MALRD1: variants seen among roughly 807,000 people sequenced by gnomAD.
The protein encoded by MALRD1 is MAM and LDL receptor class A domain containing 1.
In MALRD1, 247 loss-of-function variants were observed where a neutral mutation model predicts 242.1. The ratio of observed to expected loss-of-function variants is 1.02; its 90% CI spans 0.92 to 1.13. The LOEUF (loss-of-function observed/expected upper bound fraction) is 1.13, where lower values mean the gene tolerates loss of function less well. MALRD1 is among the 50% of genes most tolerant of loss of function. The pLI is 0.00. For missense variants in MALRD1, 2,989 were observed against 2,533.1 expected (o/e 1.18, Z -3.86); for synonymous variants, 995 against 866.6 (o/e 1.15, Z -2.60).
chr10:19,235,691 C>T (rs920290906), intron 18 of MALRD1, among the ~76,000 whole-genome samples: 1 of 150,408 alleles, frequency 6.6e-6, no homozygotes, highest in Non-Finnish European at 1.5e-5. Context: ...GGAAAGGATT[C>T]ATGAAATATC....
intron 4 of MALRD1, among the ~76,000 whole-genome samples, chr10:19,101,599 T>C (rs1489965294): frequency 2.2e-5 from 3 of 134,674 alleles, no homozygotes; most frequent in African/African-American, 8.1e-5. Flanking sequence ...ATATAATACA[T>C]AATTTTATGT....
At chr10:19,273,299 C>A (rs1172849917) in intron 19 of MALRD1, among the ~76,000 whole-genome samples, 2 of 151,968 alleles carry the variant, frequency 1.3e-5, no homozygotes, top group Non-Finnish European at 2.9e-5. Flanking sequence ...GTAGAAATAC[C>A]AAGTTATATA....
chr10:19,226,351 A>C (rs1003279461), intron 18 of MALRD1, among the ~76,000 whole-genome samples: 1 of 152,196 alleles, frequency 6.6e-6, no homozygotes, highest in Non-Finnish European at 1.5e-5. Flanking sequence ...ATGTGTTTAC[A>C]AAAAATCTAT....
chr10:19,254,285 A>T (rs1161550807), intron 18 of MALRD1, among the ~76,000 whole-genome samples: 1 of 151,884 alleles, frequency 6.6e-6, no homozygotes, highest in Non-Finnish European at 1.5e-5. Flanking sequence ...TGCCTACATC[A>T]TTGTTCCTTT....
At chr10:19,342,590 C>G (rs555330279) in intron 24 of MALRD1, among the ~76,000 whole-genome samples, 1 of 152,206 alleles carries the variant, frequency 6.6e-6, no homozygotes, top group Admixed American at 6.5e-5. Flanking sequence ...CTAATCCCAA[C>G]GTGGGCTTTC....
chr10:19,677,190 A>G (rs541063242), intron 36 of MALRD1, among the ~76,000 whole-genome samples: 4 of 152,262 alleles, frequency 2.6e-5, no homozygotes, highest in Non-Finnish European at 5.9e-5. Flanking sequence ...CAGTAATGGG[A>G]TTGCTGGGTA....
chr10:19,223,094 T>C (rs1837634490), intron 18 of MALRD1, among the ~76,000 whole-genome samples: 1 of 152,188 alleles, frequency 6.6e-6, no homozygotes, highest in Non-Finnish European at 1.5e-5. Flanking sequence ...TTCTTCTTTC[T>C]TAAAAGTGGC....
intron 26 of MALRD1, 76 bp from the exon 27 acceptor site, chr10:19,387,452 A>G (rs982388262): frequency 2.1e-6 from 3 of 1,454,688 alleles, no homozygotes; most frequent in Non-Finnish European, 2.7e-6. Context: ...AAATGAATCC[A>G]CTCTTACTGC....
intron 33 of MALRD1, among the ~76,000 whole-genome samples, chr10:19,580,348 C>T (rs926309407): frequency 2.6e-5 from 4 of 152,036 alleles, no homozygotes; most frequent in East Asian, 1.9e-4. Flanking sequence ...CCTCTTAAGA[C>T]GTTCTGTTTC....
intron 32 of MALRD1, among the ~76,000 whole-genome samples, chr10:19,550,375 G>C (rs917749825): frequency 2.0e-5 from 3 of 152,094 alleles, no homozygotes; most frequent in African/African-American, 7.2e-5. Flanking sequence ...AGGGGTACCT[G>C]TGCAGTTTTG....
chr10:19,458,236 G>A (rs1205624397), intron 29 of MALRD1, among the ~76,000 whole-genome samples: 1 of 152,038 alleles, frequency 6.6e-6, no homozygotes, highest in Non-Finnish European at 1.5e-5. Flanking sequence ...TGACAAAATA[G>A]GCTTATTTGA....
chr10:19,696,872 C>T (rs775291196), intron 38 of MALRD1, among the ~76,000 whole-genome samples: 3 of 151,898 alleles, frequency 2.0e-5, no homozygotes, highest in African/African-American at 4.8e-5. Flanking sequence ...GCTGAGGTCA[C>T]GCCACCACAC....
At chr10:19,393,659 T>C (rs952881835) in intron 28 of MALRD1, among the ~76,000 whole-genome samples, 2 of 150,210 alleles carry the variant, frequency 1.3e-5, no homozygotes, top group Non-Finnish European at 3.0e-5. Context: ...AGTTTCACCA[T>C]GTTAGCCAGG....
At chr10:19,254,013 A>T (rs922187289) in intron 18 of MALRD1, among the ~76,000 whole-genome samples, 8 of 151,918 alleles carry the variant, frequency 5.3e-5, no homozygotes, top group Admixed American at 1.3e-4. Flanking sequence ...TCACCATGTG[A>T]AGAAGGACAT....
intron 32 of MALRD1, among the ~76,000 whole-genome samples, chr10:19,561,934 T>C (rs1835985811): frequency 6.6e-6 from 1 of 152,144 alleles, no homozygotes; most frequent in Admixed American, 6.5e-5. Flanking sequence ...ATGTTCTTGG[T>C]ATGTTTCAAA....
At chr10:19,302,507 T>C (rs1328628080) in intron 21 of MALRD1, among the ~76,000 whole-genome samples, 2 of 151,786 alleles carry the variant, frequency 1.3e-5, no homozygotes, top group Non-Finnish European at 2.9e-5. Flanking sequence ...GTTGAGAACA[T>C]TATACTAAGT....
intron 38 of MALRD1, among the ~76,000 whole-genome samples, chr10:19,712,260 T>G (rs1486313391): frequency 6.6e-6 from 1 of 152,212 alleles, no homozygotes; most frequent in African/African-American, 2.4e-5. Context: ...AGATCACTTT[T>G]AAGAAATCGA....
rs576785308 is a variant in MALRD1 at position 19,723,844 on chromosome 10, C to T, written c.6315-6862C>T. On this transcript the variant is annotated intron_variant, in intron 38 of 39. Transcript: ENST00000454679. ...GAACATGTTGCAAGAGTATTACTCCCGTGAGATAGTAGTAGAAACTAGGTG... is the reference window on the plus strand; with the variant it reads ...GAACATGTTGCAAGAGTATTACTCCTGTGAGATAGTAGTAGAAACTAGGTG... Among the ~76,000 whole-genome samples the T allele has an allele frequency of 4.6e-5, 7 of 151,692 alleles. No individual in the cohort carries two copies. The South Asian group carries it at 6.3e-4, about 14-fold the overall frequency.
At chr10:19,691,885 T>G (rs1842836474) in intron 36 of MALRD1, among the ~76,000 whole-genome samples, 1 of 152,138 alleles carries the variant, frequency 6.6e-6, no homozygotes. Flanking sequence ...TTGAATCTGC[T>G]CTGTTGGTTT....
Sources: allele counts gnomAD v4.1 joint callset (sites outside exome capture counted in the v4.1 genomes callset), GRCh38; gene constraint gnomAD v4.1.1; transcripts MANE v1.5; gene names NCBI Gene and HGNC (gene_info 2026-07-23, HGNC 2026-07-21).